GGT1: variants seen among roughly 807,000 people sequenced by gnomAD.
GGT1 encodes the protein glutathione hydrolase 1 proenzyme.
In GGT1, 21 loss-of-function variants were observed where a neutral mutation model predicts 56.0. That is an observed-to-expected ratio of 0.38 (90% confidence interval 0.27 to 0.54). The LOEUF is 0.54. Among genes scored for constraint, GGT1 ranks in the 20% least tolerant of loss-of-function variants. The pLI is 0.82. For synonymous variants in GGT1, 238 were observed against 342.6 expected (o/e 0.69, Z 3.37); for missense variants, 466 against 787.0 (o/e 0.59, Z 4.88).
rs977153347 is a variant in GGT1 at position 24,628,694 on chromosome 22, C to A, written c.1565C>A (p.Ala522Glu). Residue 522 changes from alanine to glutamate, a missense_variant and splice_region_variant, in exon 16 of 16, where the codon GCA (alanine) becomes GAA (glutamate). Around this residue, in one of 2 missense-constraint regions of GGT1, gnomAD observed 10 missense variants for 70.3 expected, o/e 0.14. Coordinates refer to ENST00000400382, the MANE Select transcript of GGT1 (RefSeq NM_001288833.2). The surrounding 1 kb of genome is among the most constrained non-coding windows in gnomAD (Gnocchi z 5.7). ...VTTVERNIDQ[A>E]VTAALETRHH... ...CTTCCCCTCTCCTCCCACCCCCAGG[C>A]AGTGACTGCAGCCCTGGAGACCCGG... 6.2e-7 allele frequency: 1 copy of A among 1,610,534 alleles called. No homozygotes were observed. The highest frequency in any genetic ancestry group is 8.5e-7 in the Non-Finnish European group (1 of 1,179,642).
chr22:24,588,454 T>C, the GGT1 span: 2 of 816,004 alleles, frequency 2.5e-6, no homozygotes, highest in Non-Finnish European at 3.9e-6. Flanking sequence ...CATCACCGAG[T>C]TGCCCACCAG....
At chr22:24,619,768 G>T (rs2047296791) in intron 7 of GGT1, among the ~76,000 whole-genome samples, 2 of 151,250 alleles carry the variant, frequency 1.3e-5, no homozygotes, top group South Asian at 4.2e-4. Context: ...TCTTGTTTTG[G>T]CACATTCTCG....
At chr22:24,618,465 C>T (rs2047204873) in intron 7 of GGT1, among the ~76,000 whole-genome samples, 1 of 152,142 alleles carries the variant, frequency 6.6e-6, no homozygotes, top group Admixed American at 6.5e-5. Context: ...CTGGCCTGTG[C>T]CTGTAATACC....
chr22:24,589,658 A>G, the GGT1 span: 2 of 826,132 alleles, frequency 2.4e-6, no homozygotes, highest in Non-Finnish European at 3.6e-6. Context: ...GGCCAGCCTA[A>G]TATACTGATG....
the GGT1 span, chr22:24,586,486 C>T: frequency 3.6e-4 from 529 of 1,460,752 alleles, no homozygotes; most frequent in Non-Finnish European, 4.7e-4. Context: ...AGTGACCTGT[C>T]GGGAACAGCC....
At chr22:24,595,616 T>G (rs892842456) in intron 1 of GGT1, among the ~76,000 whole-genome samples, 1 of 152,018 alleles carries the variant, frequency 6.6e-6, no homozygotes, top group African/African-American at 2.4e-5. Flanking sequence ...GAGAATCAGG[T>G]AGGGAGGACA....
At chr22:24,625,743 G>A (rs1366352009) in intron 11 of GGT1, among the ~76,000 whole-genome samples, 5 of 151,636 alleles carry the variant, frequency 3.3e-5, no homozygotes, top group East Asian at 2.0e-4. Flanking sequence ...GGGTTTCACC[G>A]TGATCGCGAT....
chr22:24,611,577 TCTATCTATCTATCTATCTATCTA>T (rs2046687560), intron 5 of GGT1, among the ~76,000 whole-genome samples: 7 of 151,114 alleles, frequency 4.6e-5, no homozygotes, highest in South Asian at 2.1e-4. Context: ...TATCTATCTA[TCTATCTATCTATCTATCTATCTA>T]CTATCTATCT....
upstream of GGT1, among the ~76,000 whole-genome samples, chr22:24,591,882 G>A (rs926140368): frequency 3.3e-5 from 5 of 152,196 alleles, no homozygotes; most frequent in African/African-American, 7.2e-5. Flanking sequence ...CCTCTTAAAC[G>A]GACAGCTCCA....
In GGT1 at chr22:24,620,642, G is replaced by A. The variant is rs1360781961; in HGVS notation, c.575+122G>A. On this transcript the variant is annotated intron_variant, in intron 8 of 15. Coordinates refer to ENST00000400382, the MANE Select transcript of GGT1 (RefSeq NM_001288833.2). This position sits in a 1 kb window ranked among gnomAD's most constrained non-coding sequence, Gnocchi z 5.6. ...GGACCCTGTGCTGATAATGGGATGA[G>A]GAGATACAGACCCTTCCCACCACGT... The A allele has an allele frequency of 6.5e-7, 1 of 1,531,726 alleles. No individual in the cohort carries two copies. The highest frequency in any genetic ancestry group is 1.4e-5 in the African/African-American group (1 of 72,662). The allele number at this position is 1,531,726 out of a possible 1,614,324, so 94.9% of individuals were successfully genotyped here. A position where few individuals can be genotyped will look rare whatever the true frequency, so the allele number is the denominator to read the frequency against.
chr22:24,590,449 A>G (rs59620784), upstream of GGT1, among the ~76,000 whole-genome samples: 1 of 152,136 alleles, frequency 6.6e-6, no homozygotes, highest in Non-Finnish European at 1.5e-5. Context: ...GGGGAGGGAC[A>G]TGGGAGCCCT....
chr22:24,608,547 C>T (rs995362309), intron 2 of GGT1, among the ~76,000 whole-genome samples: 4 of 152,242 alleles, frequency 2.6e-5, no homozygotes, highest in African/African-American at 7.2e-5. Context: ...GCCCAGTGGA[C>T]GGGACTGGGT....
At chr22:24,612,244 CTT>C (rs796939700) in intron 5 of GGT1, among the ~76,000 whole-genome samples, 3,731 of 75,342 alleles carry the variant, frequency 0.05, 119 homozygotes, top group African/African-American at 0.13. Flanking sequence ...CCGGCTTATT[CTT>C]TTTTTTTTTT....
rs774090900 is a variant in GGT1, at chr22:24,611,058, T to A, written c.-7-17T>A. ...CTGAGGCTAGGCCTGACCCTGCTTC[T>A]TACCCCGTGGGTGCAGCAGAGCCAT... On this transcript the variant is annotated splice_polypyrimidine_tract_variant and intron_variant, in intron 4 of 15. Coordinates refer to ENST00000400382, the MANE Select transcript of GGT1 (RefSeq NM_001288833.2). The A allele has an allele frequency of 2.1e-5, 34 of 1,592,612 alleles. No homozygotes were observed. The highest frequency in any genetic ancestry group is 2.6e-5 in the Non-Finnish European group (30 of 1,169,824).
At chr22:24,597,096 C>A (rs2045706635) in intron 1 of GGT1, among the ~76,000 whole-genome samples, 1 of 151,616 alleles carries the variant, frequency 6.6e-6, no homozygotes, top group Non-Finnish European at 1.5e-5. Flanking sequence ...GATTCTCCTG[C>A]CTCAGCCTTC....
rs778575012 is a variant in GGT1 at position 24,627,861 on chromosome 22, C to A, written c.1218C>A (p.Ser406=). Residue 406 remains serine, a synonymous_variant, in exon 13 of 16, where the codon TCC becomes TCA. Transcript: ENST00000400382. Reference sequence around the variant, plus strand: ...CCTGGCTGGGCGGTAGCTTTGGCTCCAAGGTCCGCTCCCCGGTCAGCGGGA... The same window carrying A: ...CCTGGCTGGGCGGTAGCTTTGGCTCAAAGGTCCGCTCCCCGGTCAGCGGGA... ...ATSTINLYFG[S]KVRSPVSGIL... 13 of 1,613,456 alleles carry A rather than the reference C, an allele frequency of 8.1e-6. No individual in the cohort carries two copies. In the Admixed American group the frequency reaches 2.2e-4, roughly 27 times the overall value.
rs772532968 is a variant in GGT1 at position 24,620,321 on chromosome 22, T to C, written c.383-7T>C. ...CAGGGTCACTAACTATGGCTCTCTCTCCCCAGGGGGGCTGTCGGTGGCGGT... is the reference window on the plus strand; with the variant it reads ...CAGGGTCACTAACTATGGCTCTCTCCCCCCAGGGGGGCTGTCGGTGGCGGT... On this transcript the variant is annotated splice_region_variant and splice_polypyrimidine_tract_variant and intron_variant, in intron 7 of 15. Coordinates refer to ENST00000400382, the MANE Select transcript of GGT1 (RefSeq NM_001288833.2). This position sits in a 1 kb window ranked among gnomAD's most constrained non-coding sequence, Gnocchi z 5.6. 2 of 1,611,398 alleles carry C rather than the reference T, an allele frequency of 1.2e-6. No homozygotes were observed. The highest frequency in any genetic ancestry group is 2.2e-5 in the South Asian group (2 of 90,920).
At chr22:24,622,136 G>A (rs564979735) in intron 9 of GGT1, among the ~76,000 whole-genome samples, 53 of 148,840 alleles carry the variant, frequency 3.6e-4, no homozygotes, top group African/African-American at 1.2e-3. Flanking sequence ...GGTAGAAGTT[G>A]AGGCCAGGAG....
chr22:24,600,195 G>T (rs1273159063), upstream of GGT1, among the ~76,000 whole-genome samples: 1 of 152,242 alleles, frequency 6.6e-6, no homozygotes, highest in East Asian at 1.9e-4. Flanking sequence ...TACAGGCCTG[G>T]TGTTGGAGCC....
Sources: allele counts gnomAD v4.1 joint callset (sites outside exome capture counted in the v4.1 genomes callset), GRCh38; gene constraint gnomAD v4.1.1; regional missense constraint gnomAD v4.1.1; non-coding constraint Gnocchi (gnomAD v3.1); transcripts MANE v1.5; gene names NCBI Gene and HGNC (gene_info 2026-07-23, HGNC 2026-07-21).